Variants in RBFOX1 observed in about 807,000 individuals in gnomAD.
RBFOX1 encodes RNA binding protein fox-1 homolog 1.
A neutral mutation model predicts 57.7 loss-of-function variants in RBFOX1; 8 were observed. The ratio of observed to expected loss-of-function variants is 0.14; its 90% confidence interval spans 0.08 to 0.25. The LOEUF is 0.25. Among genes scored for constraint, RBFOX1 ranks in the 10% least tolerant of loss-of-function variants. The pLI is 1.00. For synonymous variants in RBFOX1, 326 were observed against 222.4 expected, an observed-to-expected ratio of 1.47 and a Z score of -4.15; for missense variants, 611 against 548.5, an observed-to-expected ratio of 1.11 and a Z score of -1.14.
At position 6,769,162 on chromosome 16, in the gene RBFOX1, G is replaced by T. The variant is rs767610145; in HGVS notation, c.-16+114512G>T. Among the ~76,000 whole-genome samples the T allele has an allele frequency of 3.9e-5, 6 of 152,122 alleles. No individual in the cohort carries two copies. In the East Asian group the frequency reaches 7.7e-4, roughly 20 times the overall value. On this transcript the variant is annotated intron_variant, in intron 3 of 15. Coordinates refer to ENST00000550418, the MANE Select transcript of RBFOX1 (RefSeq NM_018723.4). ...AATAATGGAGGCAGGTCATTCCCAC[G>T]CTGTTCTCATGATAGTGCATAAGCC...
chr16:7,023,725 C>A (rs910742492), intron 3 of RBFOX1, among the ~76,000 whole-genome samples: 3 of 152,036 alleles, frequency 2.0e-5, no homozygotes, highest in Non-Finnish European at 4.4e-5. Flanking sequence ...CTACAGTACA[C>A]AGAAACAGGT....
intron 11 of RBFOX1, among the ~76,000 whole-genome samples, chr16:7,647,466 T>A (rs1290095368): frequency 6.6e-6 from 1 of 152,040 alleles, no homozygotes; most frequent in African/African-American, 2.4e-5. Context: ...TTATACTATA[T>A]CCACAAATCA....
At chr16:5,781,446 G>A (rs1450990946) in intron 3 of RBFOX1, among the ~76,000 whole-genome samples, 1 of 152,194 alleles carries the variant, frequency 6.6e-6, no homozygotes, top group Non-Finnish European at 1.5e-5. Flanking sequence ...ATAAATGCCA[G>A]TAGTAGGCCC....
chr16:7,614,888 C>G, intron 10 of RBFOX1: 1 of 152,202 alleles, frequency 6.6e-6, no homozygotes, highest in East Asian at 1.9e-4. Flanking sequence ...AATCACAGAA[C>G]TACCATGTGA....
At chr16:6,613,192 G>A (rs1206802419) in intron 2 of RBFOX1, among the ~76,000 whole-genome samples, 1 of 152,068 alleles carries the variant, frequency 6.6e-6, no homozygotes, top group Non-Finnish European at 1.5e-5. Flanking sequence ...GCAGCCATTA[G>A]CATCAGCTTC....
At chr16:7,595,411 TATAATTTCTCTA>T in intron 7 of RBFOX1, 126 bp from the exon 8 acceptor site, 4 of 580,114 alleles carry the variant, frequency 6.9e-6, no homozygotes, top group Non-Finnish European at 8.6e-6. Context: ...TCAGTACTCT[TATAATTTCTCTA>T]ATTTGCATGT....
intron 3 of RBFOX1, among the ~76,000 whole-genome samples, chr16:6,724,509 C>G (rs1010792576): frequency 3.9e-5 from 6 of 152,014 alleles, no homozygotes; most frequent in Non-Finnish European, 5.9e-5. Flanking sequence ...CACCTGGCTG[C>G]CATCTTCTGT....
At chr16:6,855,192 C>G (rs896146815) in intron 3 of RBFOX1, among the ~76,000 whole-genome samples, 1 of 151,930 alleles carries the variant, frequency 6.6e-6, no homozygotes, top group Non-Finnish European at 1.5e-5. Context: ...TCCCCAGTAC[C>G]CAATATAGTA....
intron 3 of RBFOX1, among the ~76,000 whole-genome samples, chr16:5,738,453 G>T (rs1052483557): frequency 6.6e-6 from 1 of 151,726 alleles, no homozygotes; most frequent in Non-Finnish European, 1.5e-5. Context: ...CCAACATGGT[G>T]AAACCCTGTC....
intron 4 of RBFOX1, among the ~76,000 whole-genome samples, chr16:7,154,395 A>T (rs1224749224): frequency 6.6e-6 from 1 of 152,160 alleles, no homozygotes; most frequent in Non-Finnish European, 1.5e-5. Flanking sequence ...ATTTCATGTG[A>T]ATGTGGGAGG....
chr16:5,704,560 G>A (rs969497553), intron 3 of RBFOX1, among the ~76,000 whole-genome samples: 3 of 152,122 alleles, frequency 2.0e-5, no homozygotes, highest in South Asian at 4.1e-4. Flanking sequence ...GTTATTCCTC[G>A]GAGATAAATC....
chr16:5,645,081 CA>C (rs55903936), intron 3 of RBFOX1, among the ~76,000 whole-genome samples: 25,958 of 144,496 alleles, frequency 0.18, 2,660 homozygotes, highest in South Asian at 0.36. Context: ...ACTAAAAATA[CA>C]AAAAAAAAAA....
chr16:5,662,587 G>A (rs1319372247), intron 3 of RBFOX1, among the ~76,000 whole-genome samples: 1 of 152,114 alleles, frequency 6.6e-6, no homozygotes, highest in Non-Finnish European at 1.5e-5. Context: ...CTGACCTGGA[G>A]TTACCCCCTA....
intron 1 of RBFOX1, among the ~76,000 whole-genome samples, chr16:5,370,021 C>T (rs1176077601): frequency 1.3e-5 from 2 of 152,108 alleles, no homozygotes; most frequent in African/African-American, 4.8e-5. Flanking sequence ...CTCTGAGCTT[C>T]CTTGTCTGCA....
intron 2 of RBFOX1, among the ~76,000 whole-genome samples, chr16:6,381,233 T>C (rs1345797378): frequency 6.6e-6 from 1 of 152,194 alleles, no homozygotes; most frequent in East Asian, 1.9e-4. Flanking sequence ...CATGTGCATA[T>C]ATTGCGTAGT....
intron 3 of RBFOX1, among the ~76,000 whole-genome samples, chr16:5,697,535 CTTT>C (rs35569754): frequency 7.2e-6 from 1 of 138,816 alleles, no homozygotes. Context: ...CTTTTCTATT[CTTT>C]TTTTTTTTTT....
chr16:5,913,783 C>G (rs1443326561), intron 4 of RBFOX1, among the ~76,000 whole-genome samples: 1 of 152,198 alleles, frequency 6.6e-6, no homozygotes, highest in East Asian at 1.9e-4. Context: ...GCATTCTGGC[C>G]TTTGTTAAAG....
intron 1 of RBFOX1, among the ~76,000 whole-genome samples, chr16:6,064,121 C>G (rs1198434812): frequency 4.6e-5 from 7 of 152,106 alleles, no homozygotes; most frequent in Non-Finnish European, 2.9e-5. Flanking sequence ...ATAACAAGCT[C>G]CTTACTACTG....
At chr16:6,613,170 G>A (rs1027491168) in intron 2 of RBFOX1, among the ~76,000 whole-genome samples, 1 of 152,016 alleles carries the variant, frequency 6.6e-6, no homozygotes, top group Non-Finnish European at 1.5e-5. Flanking sequence ...TGCTGCGTGG[G>A]TCCCTCACAA....
Sources: allele counts gnomAD v4.1 joint callset (sites outside exome capture counted in the v4.1 genomes callset), GRCh38; gene constraint gnomAD v4.1.1; transcripts MANE v1.5; gene names NCBI Gene and HGNC (gene_info 2026-07-23, HGNC 2026-07-21).